TTC29: variants seen among roughly 807,000 people sequenced by gnomAD.
TTC29 encodes the protein tetratricopeptide repeat protein 29.
Under a neutral mutation model 58.1 loss-of-function variants are expected in TTC29, and 49 were observed. The observed-to-expected ratio is 0.84, with a 90% CI of 0.67 to 1.07. TTC29 has a LOEUF of 1.07. Ranked by LOEUF, TTC29 falls within the 50% of genes least tolerant of loss-of-function variation. The pLI is 0.00. For synonymous variants in TTC29, 209 were observed against 196.8 expected (o/e 1.06, Z -0.52); for missense variants, 582 against 555.6 (o/e 1.05, Z -0.48).
chr4:146,897,652 C>A (rs748423652), intron 6 of TTC29, among the ~76,000 whole-genome samples: 1 of 152,206 alleles, frequency 6.6e-6, no homozygotes, highest in Non-Finnish European at 1.5e-5. Flanking sequence ...CATACAGCAT[C>A]TGATGATAGG....
intron 11 of TTC29, among the ~76,000 whole-genome samples, chr4:146,716,707 A>T (rs1043962621): frequency 3.3e-5 from 5 of 152,164 alleles, no homozygotes; most frequent in Admixed American, 3.3e-4. Flanking sequence ...ATGAGTAAAT[A>T]TATATATCTG....
At chr4:146,891,417 A>G (rs189910425) in intron 6 of TTC29, among the ~76,000 whole-genome samples, 4 of 152,288 alleles carry the variant, frequency 2.6e-5, no homozygotes, top group Admixed American at 2.6e-4. Flanking sequence ...ACCGTAGCCA[A>G]TAATTAGTGA....
chr4:146,895,110 A>G (rs1732681935), intron 6 of TTC29, among the ~76,000 whole-genome samples: 1 of 152,190 alleles, frequency 6.6e-6, no homozygotes, highest in Non-Finnish European at 1.5e-5. Flanking sequence ...TATGCTGAGG[A>G]TAATGACTTC....
chr4:146,831,181 T>C (rs775982412), intron 9 of TTC29, among the ~76,000 whole-genome samples: 41 of 152,200 alleles, frequency 2.7e-4, no homozygotes, highest in Non-Finnish European at 5.1e-4. Context: ...TGTGGCATTG[T>C]ATAACATTAT....
At chr4:146,760,240 AG>A (rs1337980246) in intron 11 of TTC29, among the ~76,000 whole-genome samples, 2 of 152,098 alleles carry the variant, frequency 1.3e-5, no homozygotes, top group Non-Finnish European at 2.9e-5. Flanking sequence ...AGGAGTTGAA[AG>A]ACCTCTATGA....
At chr4:146,795,517 T>C (rs999239419) in intron 11 of TTC29, among the ~76,000 whole-genome samples, 1 of 152,152 alleles carries the variant, frequency 6.6e-6, no homozygotes, top group African/African-American at 2.4e-5. Flanking sequence ...GTATTAATTA[T>C]GCTAAATAAT....
intron 4 of TTC29, among the ~76,000 whole-genome samples, chr4:146,915,760 T>C (rs1330464552): frequency 1.3e-5 from 2 of 151,994 alleles, no homozygotes; most frequent in Admixed American, 6.6e-5. Context: ...ATATGACTGA[T>C]ATATTTAACA....
At chr4:146,881,552 A>G (rs2150233190) in intron 6 of TTC29, among the ~76,000 whole-genome samples, 1 of 152,284 alleles carries the variant, frequency 6.6e-6, no homozygotes, top group East Asian at 1.9e-4. Context: ...GCAATATTGA[A>G]CAGTAGCAAA....
intron 10 of TTC29, among the ~76,000 whole-genome samples, chr4:146,809,385 A>G (rs1203076152): frequency 6.7e-6 from 1 of 150,202 alleles, no homozygotes; most frequent in Non-Finnish European, 1.5e-5. Flanking sequence ...AAATTGACAA[A>G]TGGGATCTAA....
intron 11 of TTC29, among the ~76,000 whole-genome samples, chr4:146,716,554 C>T (rs1742942364): frequency 2.6e-5 from 4 of 151,972 alleles, no homozygotes; most frequent in Admixed American, 2.6e-4. Flanking sequence ...ATCCATCATC[C>T]AGGGGATGAT....
chr4:146,911,043 C>T (rs1293657307), intron 4 of TTC29, among the ~76,000 whole-genome samples: 2 of 152,132 alleles, frequency 1.3e-5, no homozygotes, highest in Non-Finnish European at 2.9e-5. Flanking sequence ...AGAAAACACT[C>T]ATATCCTGCT....
At chr4:146,816,858 G>A (rs1173892084) in intron 10 of TTC29, among the ~76,000 whole-genome samples, 1 of 152,096 alleles carries the variant, frequency 6.6e-6, no homozygotes, top group Non-Finnish European at 1.5e-5. Context: ...AAATCCTTCT[G>A]AAATAAAGTC....
chr4:146,923,293 C>G (rs1298536940), intron 4 of TTC29, among the ~76,000 whole-genome samples: 1 of 151,630 alleles, frequency 6.6e-6, no homozygotes, highest in Admixed American at 6.6e-5. Flanking sequence ...AATCGTAGCT[C>G]AATATCATTA....
chr4:146,934,613 A>T (rs1429649293), intron 4 of TTC29, among the ~76,000 whole-genome samples: 1 of 152,110 alleles, frequency 6.6e-6, no homozygotes, highest in Non-Finnish European at 1.5e-5. Flanking sequence ...CCAGGTTGAG[A>T]GTGTGGCTGA....
At chr4:146,895,346 A>G (rs1732698537) in intron 6 of TTC29, among the ~76,000 whole-genome samples, 1 of 152,172 alleles carries the variant, frequency 6.6e-6, no homozygotes, top group Admixed American at 6.5e-5. Flanking sequence ...GATCCATGAC[A>G]AGGTATTGAG....
chr4:146,801,914 G>T (rs778402847), intron 11 of TTC29, among the ~76,000 whole-genome samples: 4 of 132,130 alleles, frequency 3.0e-5, no homozygotes, highest in Non-Finnish European at 6.2e-5. Context: ...GGGAGGCAGA[G>T]CTTGCAGTGA....
At chr4:146,884,311 T>C (rs1280968378) in intron 6 of TTC29, among the ~76,000 whole-genome samples, 1 of 152,122 alleles carries the variant, frequency 6.6e-6, no homozygotes, top group African/African-American at 2.4e-5. Flanking sequence ...TAGGGTTGGC[T>C]TTCTAAATCC....
intron 6 of TTC29, among the ~76,000 whole-genome samples, chr4:146,895,183 C>T (rs1732688114): frequency 6.6e-6 from 1 of 152,172 alleles, no homozygotes; most frequent in South Asian, 2.1e-4. Flanking sequence ...TCATAGTATT[C>T]CATGGACACC....
chr4:146,869,957 A>G (rs66853283), intron 7 of TTC29, among the ~76,000 whole-genome samples: 8,166 of 152,202 alleles, frequency 0.054, 342 homozygotes, highest in East Asian at 0.13. Context: ...TGAGTGACAC[A>G]TCAAAACTTA....
Sources: allele counts gnomAD v4.1 joint callset (sites outside exome capture counted in the v4.1 genomes callset), GRCh38; gene constraint gnomAD v4.1.1; transcripts MANE v1.5; gene names NCBI Gene and HGNC (gene_info 2026-07-23, HGNC 2026-07-21).